Variants in PIWIL1 observed in about 807,000 individuals in gnomAD.
PIWIL1 encodes the protein piwi-like protein 1.
A neutral mutation model predicts 114.4 loss-of-function variants in PIWIL1; 73 were observed. The observed-to-expected ratio is 0.64, with a 90% CI of 0.53 to 0.78. PIWIL1 has a LOEUF of 0.78. Ranked by LOEUF, PIWIL1 falls within the 30% of genes least tolerant of loss-of-function variation. The pLI, the probability that PIWIL1 is intolerant of heterozygous loss-of-function variation, is 0.00. For synonymous variants in PIWIL1, 375 were observed against 369.0 expected (o/e 1.02, Z -0.19); for missense variants, 723 against 1,063.1 (o/e 0.68, Z 4.45).
At chr12:130,359,077 C>A (rs780746350) in intron 14 of PIWIL1, among the ~76,000 whole-genome samples, 1 of 152,168 alleles carries the variant, frequency 6.6e-6, no homozygotes, top group Non-Finnish European at 1.5e-5. Flanking sequence ...TAACACTCCT[C>A]CCACCCCTGA....
the PIWIL1 span, among the ~76,000 whole-genome samples, chr12:130,417,067 C>T: frequency 2.3e-3 from 356 of 152,012 alleles, 1 homozygote; most frequent in African/African-American, 7.1e-3. Flanking sequence ...GTCAGAATGA[C>T]GATTAAAAAG....
At chr12:130,362,453 G>A (rs576535218) in intron 16 of PIWIL1, among the ~76,000 whole-genome samples, 18 of 152,152 alleles carry the variant, frequency 1.2e-4, no homozygotes, top group South Asian at 2.1e-4. Flanking sequence ...GCTTCTGTGC[G>A]TATTTAGGTG....
intron 9 of PIWIL1, among the ~76,000 whole-genome samples, chr12:130,352,796 G>T (rs1192059968): frequency 6.6e-6 from 1 of 152,194 alleles, no homozygotes; most frequent in Non-Finnish European, 1.5e-5. Flanking sequence ...GTGAAATAGG[G>T]TGAGAGAGGA....
the PIWIL1 span, among the ~76,000 whole-genome samples, chr12:130,391,121 T>G: frequency 3.2e-4 from 48 of 152,340 alleles, no homozygotes; most frequent in African/African-American, 1.1e-3. Context: ...TCTCCCTGCT[T>G]CCTACTAAGT....
At chr12:130,413,289 A>G in the PIWIL1 span, among the ~76,000 whole-genome samples, 1 of 151,938 alleles carries the variant, frequency 6.6e-6, no homozygotes, top group African/African-American at 2.4e-5. Context: ...CCCCTCTCCT[A>G]CTGAACAGCA....
the PIWIL1 span, among the ~76,000 whole-genome samples, chr12:130,409,406 G>A: frequency 1.5e-5 from 2 of 136,844 alleles, no homozygotes; most frequent in Admixed American, 7.9e-5. Context: ...GCAGTGGCGC[G>A]ATCCCGGCTC....
chr12:130,421,651 C>A, the PIWIL1 span, among the ~76,000 whole-genome samples: 2 of 151,206 alleles, frequency 1.3e-5, no homozygotes, highest in Non-Finnish European at 2.9e-5. Context: ...GGTTTCTCCT[C>A]ATCTATTTCT....
At chr12:130,366,728 G>A in intron 18 of PIWIL1, 1 of 162,014 alleles carries the variant, frequency 6.2e-6, no homozygotes, top group South Asian at 1.9e-4. Flanking sequence ...ATTTTGAAAA[G>A]CACTACTTAA....
At chr12:130,358,678 A>G (rs1429391645) in intron 14 of PIWIL1, among the ~76,000 whole-genome samples, 2 of 151,986 alleles carry the variant, frequency 1.3e-5, no homozygotes, top group South Asian at 2.1e-4. Flanking sequence ...TTCAGGGGAA[A>G]ATTACCCCCC....
At chr12:130,345,370 T>G (rs2073043317) in intron 3 of PIWIL1, 1 of 156,240 alleles carries the variant, frequency 6.4e-6, no homozygotes, top group Non-Finnish European at 1.4e-5. Flanking sequence ...CATGACAGAC[T>G]GTGGAAAATA....
intron 6 of PIWIL1, 70 bp from the exon 7 acceptor site, chr12:130,348,033 C>A: frequency 4.8e-6 from 5 of 1,051,126 alleles, no homozygotes; most frequent in Non-Finnish European, 5.7e-6. Context: ...CTGCTCTAAA[C>A]GACATGCTGT....
chr12:130,418,517 A>G, the PIWIL1 span, among the ~76,000 whole-genome samples: 1 of 152,230 alleles, frequency 6.6e-6, no homozygotes, highest in Non-Finnish European at 1.5e-5. Flanking sequence ...GAACTTAATG[A>G]CCATGTCAGT....
At chr12:130,346,289 G>A in intron 4 of PIWIL1, 81 bp from the exon 5 acceptor site, 2 of 1,063,134 alleles carry the variant, frequency 1.9e-6, no homozygotes, top group South Asian at 1.4e-5. Context: ...ACGGAACTGT[G>A]CCTGCCTTGT....
chr12:130,346,648 A>G (rs2073076307), intron 5 of PIWIL1, 64 bp downstream of exon 5: 1 of 1,343,968 alleles, frequency 7.4e-7, no homozygotes, highest in African/African-American at 1.4e-5. Context: ...AATGTAAGAT[A>G]GCTCACATGG....
At position 130,367,225 on chromosome 12, in the gene PIWIL1, C is replaced by T; in HGVS notation, c.2288C>T (p.Thr763Ile). ...AGACTTCAGAATCCACTTCCTGGAA[C>T]AGTTATTGATGTAGAGGTTACCAGA... ...GGRLQNPLPG[T>I]VIDVEVTRPE... Residue 763 changes from threonine to isoleucine, a missense_variant, in exon 19 of 21, where the codon ACA (threonine) becomes ATA (isoleucine). Thr to Ile is a moderately conservative substitution (Grantham distance 89). Around this residue, in one of 8 missense-constraint regions of PIWIL1, gnomAD observed 106 missense variants for 182.8 expected, o/e 0.58. Coordinates refer to ENST00000245255, the MANE Select transcript of PIWIL1 (RefSeq NM_004764.5). 1 of 1,614,138 alleles carries T rather than the reference C, an allele frequency of 6.2e-7. No homozygotes were observed. Among genetic ancestry groups the T allele is most frequent in the Non-Finnish European group, 8.5e-7 (1 of 1,179,996 alleles).
chr12:130,399,102 G>A, the PIWIL1 span: 1 of 1,365,080 alleles, frequency 7.3e-7, no homozygotes, highest in Non-Finnish European at 9.6e-7. Flanking sequence ...GGTATCTTCA[G>A]TTGCTCACTT....
In PIWIL1 at chr12:130,347,021, A is replaced by G; in HGVS notation, c.612A>G (p.Thr204=). 1 of 1,613,782 alleles carries G rather than the reference A, an allele frequency of 6.2e-7. No homozygotes were observed. Among genetic ancestry groups the G allele is most frequent in the Non-Finnish European group, 8.5e-7 (1 of 1,179,750 alleles). The change falls in exon 6 of 21, where the codon ACA becomes ACG. Residue 204 remains threonine, a synonymous_variant. Transcript: ENST00000245255. ...CTTTAACAAATGAACTTCCACCTAC[A>G]TCACCAACTTGTTTGCAGTTCTATA... ...TITLTNELPP[T]SPTCLQFYNI...
chr12:130,355,481 G>A, intron 11 of PIWIL1, 72 bp from the exon 12 acceptor site: 1 of 1,114,810 alleles, frequency 9.0e-7, no homozygotes, highest in South Asian at 1.2e-5. Flanking sequence ...AGGCTGGAGT[G>A]GATATCTGTT....
the PIWIL1 span, among the ~76,000 whole-genome samples, chr12:130,388,133 T>C: frequency 6.6e-6 from 1 of 152,202 alleles, no homozygotes; most frequent in Non-Finnish European, 1.5e-5. Flanking sequence ...TTGGTTTTTC[T>C]TTTTGAGTCT....
Sources: gnomAD v4.1 joint callset for allele counts (sites outside exome capture counted in the v4.1 genomes callset) on GRCh38, gnomAD v4.1.1 for gene constraint, gnomAD v4.1.1 regional missense constraint, MANE v1.5 for transcripts, NCBI Gene and HGNC (gene_info 2026-07-23, HGNC 2026-07-21) for gene names.